PHACTR1: variants seen among roughly 807,000 people sequenced by gnomAD.
PHACTR1 encodes the protein RPEL repeat containing 1.
PHACTR1 carries 16 observed loss-of-function variants against 69.2 expected under a neutral mutation model. That is an observed-to-expected ratio of 0.23 (90% CI 0.16 to 0.35). The LOEUF (loss-of-function observed/expected upper bound fraction) is 0.35. PHACTR1 is among the 10% of genes least tolerant of loss of function. PHACTR1 has a pLI of 1.00. For synonymous variants in PHACTR1, 312 were observed against 284.5 expected (o/e 1.10, Z -0.97); for missense variants, 510 against 734.7 (o/e 0.69, Z 3.54).
At chr6:13,050,966 C>A (rs1432882158) in intron 4 of PHACTR1, among the ~76,000 whole-genome samples, 1 of 152,120 alleles carries the variant, frequency 6.6e-6, no homozygotes, top group African/African-American at 2.4e-5. Context: ...TGCTTGAATC[C>A]TAGTTACTGT....
At chr6:13,010,091 A>G (rs1413467969) in intron 4 of PHACTR1, among the ~76,000 whole-genome samples, 1 of 151,780 alleles carries the variant, frequency 6.6e-6, no homozygotes, top group Admixed American at 6.6e-5. Flanking sequence ...GTCTTCTGTT[A>G]TTCTTATATG....
chr6:13,147,124 T>C (rs1040287078), intron 5 of PHACTR1, among the ~76,000 whole-genome samples: 3 of 152,222 alleles, frequency 2.0e-5, no homozygotes, highest in Non-Finnish European at 2.9e-5. Context: ...CTTAACATAG[T>C]TTATTTTTCA....
At chr6:12,726,503 G>A (rs1392787738) in intron 3 of PHACTR1, among the ~76,000 whole-genome samples, 2 of 152,040 alleles carry the variant, frequency 1.3e-5, no homozygotes, top group South Asian at 2.1e-4. Flanking sequence ...TCCCACTCAC[G>A]CTTCTAACCA....
At chr6:13,015,664 A>C (rs1403812093) in intron 4 of PHACTR1, among the ~76,000 whole-genome samples, 5 of 152,236 alleles carry the variant, frequency 3.3e-5, no homozygotes, top group Non-Finnish European at 7.3e-5. Flanking sequence ...CAGTGAGGAA[A>C]GGTATATGTC....
At chr6:13,150,312 A>G (rs1267156192) in intron 5 of PHACTR1, among the ~76,000 whole-genome samples, 1 of 152,202 alleles carries the variant, frequency 6.6e-6, no homozygotes, top group African/African-American at 2.4e-5. Flanking sequence ...ACTGCATTCC[A>G]GCCTTGGCAA....
chr6:13,057,769 A>G (rs1241715186), intron 5 of PHACTR1, among the ~76,000 whole-genome samples: 1 of 152,194 alleles, frequency 6.6e-6, no homozygotes, highest in Non-Finnish European at 1.5e-5. Context: ...TTTGACATCA[A>G]CGATTACATG....
intron 4 of PHACTR1, among the ~76,000 whole-genome samples, chr6:12,828,614 C>G (rs937924154): frequency 4.6e-5 from 7 of 152,030 alleles, no homozygotes; most frequent in Non-Finnish European, 8.8e-5. Flanking sequence ...CTGTAGCTGT[C>G]TTTGAAGGAG....
chr6:12,757,891 C>A (rs1440554877), intron 4 of PHACTR1, among the ~76,000 whole-genome samples: 7 of 152,138 alleles, frequency 4.6e-5, no homozygotes, highest in Admixed American at 4.6e-4. Context: ...GTGGGCGGAT[C>A]ACCTGAGGTC....
At chr6:13,206,731 C>T (rs753842373) in intron 8 of PHACTR1, among the ~76,000 whole-genome samples, 2 of 152,200 alleles carry the variant, frequency 1.3e-5, no homozygotes, top group South Asian at 2.1e-4. Flanking sequence ...CCTGGTCAGA[C>T]ATCATCCCCT....
chr6:13,210,963 C>G (rs1170451963), intron 8 of PHACTR1, among the ~76,000 whole-genome samples: 1 of 91,646 alleles, frequency 1.1e-5, no homozygotes, highest in African/African-American at 4.1e-5. Context: ...ACTTTCCATT[C>G]TAATAAATAA....
At position 12,869,954 on chromosome 6, in the gene PHACTR1, C is replaced by T. The variant is rs576165071; in HGVS notation, c.250+120164C>T. ...CCCTGGTCCTAGGGTTATAAGGTGA[C>T]TAAACTGTGACCTTAGATAACCTTA... On this transcript the variant is annotated intron_variant, in intron 4 of 14. Coordinates refer to ENST00000332995, the MANE Select transcript of PHACTR1 (RefSeq NM_030948.6). 1.4e-4 allele frequency among the ~76,000 whole-genome samples: 22 copies of T among 152,270 alleles called. 1 individual carries two copies. In the South Asian group the frequency reaches 4.1e-3, roughly 29 times the overall value.
At chr6:12,926,944 T>C (rs1788335806) in intron 4 of PHACTR1, among the ~76,000 whole-genome samples, 1 of 152,240 alleles carries the variant, frequency 6.6e-6, no homozygotes, top group African/African-American at 2.4e-5. Context: ...TGTTTAGCTC[T>C]CATTTCTGCC....
chr6:13,199,977 A>G (rs1243465046), intron 7 of PHACTR1, among the ~76,000 whole-genome samples: 3 of 152,202 alleles, frequency 2.0e-5, no homozygotes, highest in Admixed American at 6.5e-5. Flanking sequence ...GCTTTTAATA[A>G]ATTGGTTTAG....
intron 5 of PHACTR1, among the ~76,000 whole-genome samples, chr6:13,153,268 T>G (rs995808849): frequency 6.6e-6 from 1 of 152,230 alleles, no homozygotes; most frequent in African/African-American, 2.4e-5. Flanking sequence ...GTTTCATGCC[T>G]AGTTTTTATA....
chr6:13,091,912 C>T (rs1040161369), intron 5 of PHACTR1, among the ~76,000 whole-genome samples: 11 of 152,280 alleles, frequency 7.2e-5, no homozygotes, highest in Admixed American at 2.0e-4. Context: ...GTTCTCCTGC[C>T]TCAGCCTCCT....
intron 4 of PHACTR1, among the ~76,000 whole-genome samples, chr6:13,047,344 C>T (rs1055715514): frequency 4.2e-5 from 6 of 142,016 alleles, no homozygotes; most frequent in Non-Finnish European, 7.5e-5. Context: ...TGTCACTGCA[C>T]TCCAGCCTGG....
At position 12,889,098 on chromosome 6, in the gene PHACTR1, C is replaced by T. The variant is rs114456961; in HGVS notation, c.250+139308C>T. The stretch of plus-strand genomic sequence containing the variant: ...GACCAGTCTGGGCAACATAATGAGA[C>T]CCTGTCTCTAGAAAAAATCAAAATA... On this transcript the variant is annotated intron_variant, in intron 4 of 14. Coordinates refer to ENST00000332995, the MANE Select transcript of PHACTR1 (RefSeq NM_030948.6). 8.2e-3 allele frequency among the ~76,000 whole-genome samples: 1,252 copies of T among 152,192 alleles called. 22 individuals are homozygous for T. The highest frequency in any genetic ancestry group is 0.028 in the African/African-American group (1,180 of 41,522).
intron 4 of PHACTR1, among the ~76,000 whole-genome samples, chr6:12,868,261 GA>G (rs60449070): frequency 2.6e-3 from 351 of 136,540 alleles, no homozygotes; most frequent in African/African-American, 9.2e-3. Context: ...ATCTCAAAAA[GA>G]AAAAAAAAAA....
At chr6:13,091,981 G>A (rs991602229) in intron 5 of PHACTR1, among the ~76,000 whole-genome samples, 3 of 152,078 alleles carry the variant, frequency 2.0e-5, no homozygotes, top group African/African-American at 4.8e-5. Flanking sequence ...TGCATCTTTA[G>A]TAGAGACGGG....
Sources: allele counts gnomAD v4.1 joint callset (sites outside exome capture counted in the v4.1 genomes callset), GRCh38; gene constraint gnomAD v4.1.1; transcripts MANE v1.5; gene names NCBI Gene and HGNC (gene_info 2026-07-23, HGNC 2026-07-21).